The following MAMSTR variants were observed in gnomAD, a reference collection of about 807,000 sequenced individuals.
MAMSTR encodes the protein MEF2-activating motif and SAP domain-containing transcriptional regulator.
MAMSTR carries 41 observed loss-of-function variants against 42.7 expected under a neutral mutation model. The ratio of observed to expected loss-of-function variants is 0.96; its 90% CI spans 0.75 to 1.25. The LOEUF is 1.25. Among genes scored for constraint, MAMSTR ranks in the 50% most tolerant of loss-of-function variants. MAMSTR has a pLI of 0.00. For missense variants in MAMSTR, 567 were observed against 557.6 expected, an observed-to-expected ratio of 1.02 and a Z score of -0.17; for synonymous variants, 265 against 244.1, an observed-to-expected ratio of 1.09 and a Z score of -0.80.
rs1268693068 is a variant in MAMSTR at position 48,714,578 on chromosome 19, G to A, written c.529-18C>T. The A allele has an allele frequency of 2.7e-6, 4 of 1,458,852 alleles. No homozygotes were observed. Among genetic ancestry groups the A allele is most frequent in the Non-Finnish European group, 3.6e-6 (4 of 1,117,604 alleles). The allele number at this position is 1,458,852 out of a possible 1,614,324, so 90.4% of individuals were successfully genotyped here. A position where few individuals can be genotyped will look rare whatever the true frequency, so the allele number is the denominator to read the frequency against. ...TCTGAGACCTGGGGAGGGGCGGGGCGTGGGAAGAGGCAGTGCTGGGCGGGC... is the reference window on the plus strand; with the variant it reads ...TCTGAGACCTGGGGAGGGGCGGGGCATGGGAAGAGGCAGTGCTGGGCGGGC... On this transcript the variant is annotated intron_variant, in intron 6 of 9. Transcript: ENST00000318083.
chr19:48,713,871 G>A lies in MAMSTR; in HGVS notation c.898C>T (p.Arg300Trp), dbSNP rs148076324. The A allele has an allele frequency of 3.9e-5, 63 of 1,612,670 alleles. No individual in the cohort carries two copies. The highest frequency in any genetic ancestry group is 5.1e-5 in the Non-Finnish European group (60 of 1,178,954). ...CCACACCCTCTTACCTGCGCCCTCC[G>A]GATCGCTTCCTGCAGCTCCTCCTCC... ...TLEEELQEAIRRAQLLPNRGI... is the reference protein window; with the variant it reads ...TLEEELQEAIWRAQLLPNRGI... The change falls in exon 8 of 10, where the codon CGG (arginine) becomes TGG (tryptophan). Residue 300 changes from arginine to tryptophan, a missense_variant. Coordinates refer to ENST00000318083, the MANE Select transcript of MAMSTR (RefSeq NM_001130915.2).
chr19:48,709,682 T>C (rs1026605175), downstream of MAMSTR, among the ~76,000 whole-genome samples: 5 of 152,170 alleles, frequency 3.3e-5, no homozygotes, highest in African/African-American at 1.2e-4. Flanking sequence ...ACTACTCACC[T>C]TTCCTATGTA....
rs898605963 is a variant in MAMSTR, at chr19:48,719,656, C to G, written c.-22+23G>C. 4 of 152,852 alleles carry G rather than the reference C, an allele frequency of 2.6e-5. No individual in the cohort carries two copies. The highest frequency in any genetic ancestry group is 9.7e-5 in the African/African-American group (4 of 41,408). The allele number at this position is 152,852 out of a possible 1,614,324, so 9.5% of individuals were successfully genotyped here. A position where few individuals can be genotyped will look rare whatever the true frequency, so the allele number is the denominator to read the frequency against. On this transcript the variant is annotated intron_variant, in intron 1 of 9. Transcript: ENST00000318083. The surrounding 1 kb of genome is among the most constrained non-coding windows in gnomAD (Gnocchi z 4.4). ...GAACCGTTGAGGAGTGCGCCCCCCC[C>G]GTCCACCCCAGGGGCTTCTCACCAG...
intron 4 of MAMSTR, 78 bp from the exon 5 acceptor site, chr19:48,715,524 G>A: frequency 6.8e-7 from 1 of 1,468,562 alleles, no homozygotes; most frequent in East Asian, 2.5e-5. Flanking sequence ...CAAAGTATGG[G>A]GTCAGCTCGG....
chr19:48,713,924 GAGGA>G lies in MAMSTR; in HGVS notation c.841_844del (p.Ser281GlnfsTer8). ...AGTCAGAGCCGCTGAGCCCGGCCCTGAGGAAGGGGTCAGGGCTGGAGCTGCAGCA... is the reference window on the plus strand; with the variant it reads ...AGTCAGAGCCGCTGAGCCCGGCCCTGAGGGGTCAGGGCTGGAGCTGCAGCA... On this transcript the variant is annotated frameshift_variant, in exon 8 of 10. Coordinates refer to ENST00000318083, the MANE Select transcript of MAMSTR (RefSeq NM_001130915.2). LOFTEE classifies it high-confidence loss of function. The G allele has an allele frequency of 6.2e-7, 1 of 1,612,578 alleles. No individual in the cohort carries two copies. The highest frequency in any genetic ancestry group is 2.2e-5 in the East Asian group (1 of 44,864).
chr19:48,715,134 A>T, intron 5 of MAMSTR, 128 bp downstream of exon 5: 1 of 800,368 alleles, frequency 1.2e-6, no homozygotes, highest in Non-Finnish European at 2.0e-6. Flanking sequence ...GGGATCCTGG[A>T]CTCTTAAACC....
rs1318670772 is a variant in MAMSTR at position 48,715,423 on chromosome 19, A to G, written c.264T>C (p.Arg88=). ...PKKESPKISQ[R]WRESKPRGNL... ...TCCCCCTGGGCTTGGACTCCCTCCAACGTTGGGAGATCTTGGGAGACTCCT... is the reference window on the plus strand; with the variant it reads ...TCCCCCTGGGCTTGGACTCCCTCCAGCGTTGGGAGATCTTGGGAGACTCCT... Residue 88 remains arginine, a synonymous_variant, in exon 5 of 10, where the codon CGT becomes CGC. Coordinates refer to ENST00000318083, the MANE Select transcript of MAMSTR (RefSeq NM_001130915.2). 4.7e-6 allele frequency: 7 copies of G among 1,503,864 alleles called. No individual in the cohort carries two copies. In the African/African-American group the frequency reaches 8.5e-5, roughly 18 times the overall value. 93.2% of individuals were successfully genotyped at this position (1,503,864 alleles called of 1,614,324 possible).
intron 9 of MAMSTR, 66 bp from the exon 10 acceptor site, chr19:48,713,616 C>T (rs770454020): frequency 1.2e-5 from 19 of 1,601,118 alleles, no homozygotes; most frequent in Non-Finnish European, 1.4e-5. Context: ...CCCCCATACC[C>T]CATTTCCAGG....
At position 48,713,553 on chromosome 19, in the gene MAMSTR, G is replaced by A. The variant is rs1404200743; in HGVS notation, c.965-3C>T. 1 of 1,609,366 alleles carries A rather than the reference G, an allele frequency of 6.2e-7. No individual in the cohort carries two copies. The highest frequency in any genetic ancestry group is 2.2e-5 in the East Asian group (1 of 44,870). On this transcript the variant is annotated splice_polypyrimidine_tract_variant and splice_region_variant and intron_variant, in intron 9 of 9. Transcript: ENST00000318083. The stretch of plus-strand genomic sequence containing the variant: ...CAGGGGAATAGGGGGCAGGGGGTCT[G>A]CGGGATAAAGAATGGTACATGAGCT...
chr19:48,708,581 T>G (rs2032686211), downstream of MAMSTR, among the ~76,000 whole-genome samples: 1 of 151,992 alleles, frequency 6.6e-6, no homozygotes, highest in South Asian at 2.1e-4. Flanking sequence ...GTGCCGGCAG[T>G]GCAGGAGGCA....
downstream of MAMSTR, among the ~76,000 whole-genome samples, chr19:48,709,704 C>G (rs1204616322): frequency 6.6e-6 from 1 of 152,172 alleles, no homozygotes; most frequent in Non-Finnish European, 1.5e-5. Context: ...ACCAGCCAAT[C>G]CAGAGCCCAC....
At chr19:48,705,865 C>G in the MAMSTR span, 4 of 166,624 alleles carry the variant, frequency 2.4e-5, no homozygotes, top group Admixed American at 2.0e-4. Flanking sequence ...CGAATAGCCA[C>G]TGCACTGCGG....
At position 48,715,181 on chromosome 19, in the gene MAMSTR, A is replaced by G. The variant is rs146081760; in HGVS notation, c.425+81T>C. The G allele has an allele frequency of 1.5e-3, 2,032 of 1,339,002 alleles. 36 individuals are homozygous for G. In the African/African-American group the frequency reaches 0.027, roughly 18 times the overall value. The allele number at this position is 1,339,002 out of a possible 1,614,324, so 82.9% of individuals were successfully genotyped here. On this transcript the variant is annotated intron_variant, in intron 5 of 9. Transcript: ENST00000318083. ...GAGGGTTGGGGGCCCCAATCCCCTA[A>G]TCTTGGACTCGAGGTTTGAGGGAGG...
intron 2 of MAMSTR, among the ~76,000 whole-genome samples, chr19:48,718,393 T>C (rs1033126365): frequency 5.4e-5 from 8 of 147,104 alleles, no homozygotes; most frequent in African/African-American, 1.5e-4. Context: ...TTTTTTTTTT[T>C]TTTTTTTTTT....
At position 48,713,550 on chromosome 19, in the gene MAMSTR, T is replaced by C. The variant is rs1253271177; in HGVS notation, c.965A>G (p.Asp322Gly). The change falls in exon 10 of 10, where the codon GAC becomes GGC. Residue 322 changes from aspartate (D) to glycine (G), a missense_variant and splice_region_variant. Physicochemically the swap from Asp to Gly is moderately conservative, Grantham distance 94. Transcript: ENST00000318083. ...DILEDQVEPD[D>G]PLPPIPLDFP... Reference sequence around the variant, plus strand: ...GTCCAGGGGAATAGGGGGCAGGGGGTCTGCGGGATAAAGAATGGTACATGA... The same window carrying C: ...GTCCAGGGGAATAGGGGGCAGGGGGCCTGCGGGATAAAGAATGGTACATGA... The C allele has an allele frequency of 2.5e-6, 4 of 1,608,270 alleles. No individual in the cohort carries two copies. The highest frequency in any genetic ancestry group is 1.3e-5 in the African/African-American group (1 of 74,346).
chr19:48,715,598 G>A (rs1473528969), intron 4 of MAMSTR, 27 bp downstream of exon 4: 3 of 1,516,634 alleles, frequency 2.0e-6, no homozygotes, highest in South Asian at 2.5e-5. Context: ...GCTCTCAGAG[G>A]GACCTCTCCC....
chr19:48,716,747 TG>T lies in MAMSTR; in HGVS notation c.59-5del. 1 of 1,307,836 alleles carries T rather than the reference TG, an allele frequency of 7.6e-7. No homozygotes were observed. The allele number at this position is 1,307,836 out of a possible 1,614,324, so 81.0% of individuals were successfully genotyped here. On this transcript the variant is annotated splice_polypyrimidine_tract_variant and splice_region_variant and intron_variant, in intron 2 of 9. Coordinates refer to ENST00000318083, the MANE Select transcript of MAMSTR (RefSeq NM_001130915.2). Reference sequence around the variant, plus strand: ...CTGTGGATCCGAAGCTGGAGGACTGTGGAGGGAGGAGGGAGGTGGGAGGAGG... The same window carrying T: ...CTGTGGATCCGAAGCTGGAGGACTGTGAGGGAGGAGGGAGGTGGGAGGAGG...
chr19:48,716,374 CAAAAAAAAAAAA>C (rs35058019), intron 3 of MAMSTR, among the ~76,000 whole-genome samples: 1 of 65,002 alleles, frequency 1.5e-5, no homozygotes, highest in Non-Finnish European at 2.7e-5. Context: ...GATTCCATCT[CAAAAAAAAAAAA>C]AAAAAAAAAA....
chr19:48,708,782 G>A (rs969566065), downstream of MAMSTR, among the ~76,000 whole-genome samples: 11 of 152,142 alleles, frequency 7.2e-5, no homozygotes, highest in African/African-American at 1.9e-4. Context: ...ACGAGTGCCC[G>A]AGACACAGAG....
Sources: allele counts gnomAD v4.1 joint callset (sites outside exome capture counted in the v4.1 genomes callset), GRCh38; gene constraint gnomAD v4.1.1; non-coding constraint Gnocchi (gnomAD v3.1); transcripts MANE v1.5; gene names NCBI Gene and HGNC (gene_info 2026-07-23, HGNC 2026-07-21).